PAAF1: variants seen among roughly 807,000 people sequenced by gnomAD.
The protein encoded by PAAF1 is proteasomal ATPase associated factor 1.
PAAF1 carries 46 observed loss-of-function variants against 52.8 expected under a neutral mutation model. The ratio of observed to expected loss-of-function variants is 0.87; its 90% CI spans 0.69 to 1.11. PAAF1 has a LOEUF of 1.11. Among genes scored for constraint, PAAF1 ranks in the 50% most tolerant of loss-of-function variants. The pLI is 0.00. For synonymous variants in PAAF1, 178 were observed against 172.8 expected, an observed-to-expected ratio of 1.03 and a Z score of -0.24; for missense variants, 424 against 477.4, an observed-to-expected ratio of 0.89 and a Z score of 1.04.
intron 2 of PAAF1, chr11:73,886,854 C>T (rs1949074397): frequency 1.1e-5 from 3 of 284,502 alleles, no homozygotes; most frequent in South Asian, 2.8e-5. Flanking sequence ...GGGGGCAGAC[C>T]CCTCATGAAT....
chr11:73,921,683 G>T, intron 10 of PAAF1: 2 of 813,756 alleles, frequency 2.5e-6, no homozygotes, highest in Non-Finnish European at 2.1e-6. Context: ...AAAGACTCTA[G>T]CATGAACTGT....
In PAAF1 at chr11:73,927,496, G is replaced by A; in HGVS notation, c.*134G>A. The stretch of plus-strand genomic sequence containing the variant: ...ACCCCTTGGAAATCACAGAAAGTCA[G>A]CTGTACTGGCCGTGTGGAACTCTCA... On this transcript the variant is annotated 3_prime_UTR_variant, in exon 12 of 12. Coordinates refer to ENST00000310571, the MANE Select transcript of PAAF1 (RefSeq NM_025155.3). The A allele has an allele frequency of 1.4e-6, 1 of 735,704 alleles. No individual in the cohort carries two copies. The highest frequency in any genetic ancestry group is 1.7e-5 in the South Asian group (1 of 59,948). The allele number at this position is 735,704 out of a possible 1,614,324, so 45.6% of individuals were successfully genotyped here.
chr11:73,927,403 C>T lies in PAAF1; in HGVS notation c.*41C>T, dbSNP rs369416208. The T allele has an allele frequency of 1.6e-4, 234 of 1,507,386 alleles. No individual in the cohort carries two copies. Among genetic ancestry groups the T allele is most frequent in the Non-Finnish European group, 2.1e-4 (229 of 1,084,730 alleles). The allele number at this position is 1,507,386 out of a possible 1,614,324, so 93.4% of individuals were successfully genotyped here. A position where few individuals can be genotyped will look rare whatever the true frequency, so the allele number is the denominator to read the frequency against. On this transcript the variant is annotated 3_prime_UTR_variant, in exon 12 of 12. Transcript: ENST00000310571. Reference sequence around the variant, plus strand: ...AGTCCCGGTTAGTGAAAAGGTTTGACCCTGATCAACAATGAGCAGAAACAT... The same window carrying T: ...AGTCCCGGTTAGTGAAAAGGTTTGATCCTGATCAACAATGAGCAGAAACAT...
intron 5 of PAAF1, among the ~76,000 whole-genome samples, chr11:73,899,955 C>G (rs926215355): frequency 6.6e-6 from 1 of 151,978 alleles, no homozygotes; most frequent in African/African-American, 2.4e-5. Context: ...CAAGCCACCT[C>G]AGCTCTTTAA....
chr11:73,914,332 T>G, intron 7 of PAAF1, 81 bp from the exon 8 acceptor site: 1 of 1,134,584 alleles, frequency 8.8e-7, no homozygotes, highest in African/African-American at 1.5e-5. Flanking sequence ...AAATCAGTAA[T>G]CAACCATCAG....
In PAAF1 at chr11:73,896,959, C is replaced by T. The variant is rs1268870677; in HGVS notation, c.283-2187C>T. Among the ~76,000 whole-genome samples the T allele has an allele frequency of 2.0e-4, 27 of 136,744 alleles. 1 individual carries two copies. Among genetic ancestry groups the T allele is most frequent in the African/African-American group, 5.1e-4 (18 of 35,474 alleles). The allele number at this position is 136,744 out of a possible 152,430, so 89.7% of individuals were successfully genotyped here. A position where few individuals can be genotyped will look rare whatever the true frequency, so the allele number is the denominator to read the frequency against. ...CCCCAGACCTCCCTCCCCGACGGGG[C>T]GGCTGGCCGGGCGGGGGGGCTGACC... On this transcript the variant is annotated intron_variant, in intron 4 of 11. Coordinates refer to ENST00000310571, the MANE Select transcript of PAAF1 (RefSeq NM_025155.3).
chr11:73,889,315 C>T, intron 3 of PAAF1: 2 of 915,532 alleles, frequency 2.2e-6, no homozygotes, highest in Non-Finnish European at 1.5e-6. Flanking sequence ...TTTGATATTG[C>T]TACATTGTTC....
chr11:73,909,642 T>C (rs1949874289), intron 7 of PAAF1, 49 bp downstream of exon 7: 1 of 1,544,970 alleles, frequency 6.5e-7, no homozygotes, highest in Admixed American at 1.7e-5. Context: ...TAGGCCCCCT[T>C]CAGTGATTGC....
chr11:73,883,903 A>C (rs903140220), intron 2 of PAAF1, among the ~76,000 whole-genome samples: 1 of 152,154 alleles, frequency 6.6e-6, no homozygotes, highest in Non-Finnish European at 1.5e-5. Context: ...TTGTTTATCC[A>C]TTCATCAATT....
Position 73,927,371 on chromosome 11 carries a change from A to G in PAAF1, c.*9A>G, listed in dbSNP as rs375017829. On this transcript the variant is annotated 3_prime_UTR_variant, in exon 12 of 12. Transcript: ENST00000310571. ...AGCTTTCTGACCTCTGACTTCTTGG[A>G]AAGAGCAGTCCCGGTTAGTGAAAAG... is the stretch of plus-strand genomic sequence containing the variant. 1.6e-5 allele frequency: 26 copies of G among 1,610,126 alleles called. No individual in the cohort carries two copies. Among genetic ancestry groups the G allele is most frequent in the Non-Finnish European group, 2.0e-5 (24 of 1,176,744 alleles).
intron 6 of PAAF1, among the ~76,000 whole-genome samples, chr11:73,904,705 G>A (rs1218374789): frequency 6.6e-6 from 1 of 151,878 alleles, no homozygotes; most frequent in Non-Finnish European, 1.5e-5. Context: ...TTGCTCCCTA[G>A]CAACATTAAA....
Position 73,917,970 on chromosome 11 carries a change from G to A in PAAF1, c.936-980G>A, listed in dbSNP as rs570955507. ...AGACTGTTGTGCAGTGTGATCACTT[G>A]TCTGACAGGGCTAGCTACAGAAATC... On this transcript the variant is annotated intron_variant, in intron 9 of 11. Coordinates refer to ENST00000310571, the MANE Select transcript of PAAF1 (RefSeq NM_025155.3). 3.3e-5 allele frequency among the ~76,000 whole-genome samples: 5 copies of A among 152,066 alleles called. No homozygotes were observed. The South Asian group carries it at 8.3e-4, about 25-fold the overall frequency.
chr11:73,897,055 G>A (rs1478589373), intron 4 of PAAF1, among the ~76,000 whole-genome samples: 9 of 136,924 alleles, frequency 6.6e-5, no homozygotes, highest in Admixed American at 2.1e-4. Flanking sequence ...AGGGGCGGCC[G>A]GGCAGAGGCG....
chr11:73,920,941 T>C (rs927479067), intron 10 of PAAF1, among the ~76,000 whole-genome samples: 1 of 152,008 alleles, frequency 6.6e-6, no homozygotes, highest in African/African-American at 2.4e-5. Flanking sequence ...CCAAGGCGGA[T>C]AGATCACCTG....
chr11:73,915,584 G>A (rs1344213271), intron 8 of PAAF1, among the ~76,000 whole-genome samples: 1 of 152,158 alleles, frequency 6.6e-6, no homozygotes, highest in Non-Finnish European at 1.5e-5. Context: ...CTCCAGCCTG[G>A]GGAACAAGAG....
rs111360384 is a variant in PAAF1 at position 73,898,661 on chromosome 11, T to G, written c.283-485T>G. Among the ~76,000 whole-genome samples, 556 of 151,962 alleles carry G rather than the reference T, an allele frequency of 3.7e-3. 17 individuals are homozygous for G. In the East Asian group the frequency reaches 0.07, roughly 19 times the overall value. On this transcript the variant is annotated intron_variant, in intron 4 of 11. Transcript: ENST00000310571. ...GTGAAACTCTGTCTCTACCGAAAAATACAGAAATAAGGCACAGTGGTGTGC... is the reference window on the plus strand; with the variant it reads ...GTGAAACTCTGTCTCTACCGAAAAAGACAGAAATAAGGCACAGTGGTGTGC...
intron 6 of PAAF1, among the ~76,000 whole-genome samples, chr11:73,902,466 G>A (rs1192456409): frequency 4.6e-5 from 7 of 152,160 alleles, no homozygotes; most frequent in Non-Finnish European, 8.8e-5. Context: ...TCCCTCTGAA[G>A]GTGTGGGCAC....
intron 11 of PAAF1, among the ~76,000 whole-genome samples, chr11:73,926,601 T>C (rs910807477): frequency 2.0e-5 from 3 of 151,938 alleles, no homozygotes; most frequent in Admixed American, 1.3e-4. Context: ...CCCAGCTACT[T>C]GGGAGGCTGA....
At chr11:73,917,056 T>G (rs1273520985) in intron 9 of PAAF1, among the ~76,000 whole-genome samples, 1 of 152,222 alleles carries the variant, frequency 6.6e-6, no homozygotes, top group Admixed American at 6.5e-5. Context: ...AGTCTCCCTC[T>G]GTCGCCCAGG....
Sources: allele counts gnomAD v4.1 joint callset (sites outside exome capture counted in the v4.1 genomes callset), GRCh38; gene constraint gnomAD v4.1.1; transcripts MANE v1.5; gene names NCBI Gene and HGNC (gene_info 2026-07-23, HGNC 2026-07-21).